Variants in LSMEM2 observed in about 807,000 individuals in gnomAD.
LSMEM2 encodes the protein leucine-rich single-pass membrane protein 2.
In LSMEM2, 20 loss-of-function variants were observed where a neutral mutation model predicts 17.3. The ratio of observed to expected loss-of-function variants is 1.16; its 90% CI spans 0.81 to 1.68. The LOEUF is 1.68. Ranked by LOEUF, LSMEM2 falls within the 40% of genes most tolerant of loss-of-function variation. The pLI is 0.00. For synonymous variants in LSMEM2, 94 were observed against 97.8 expected (o/e 0.96, Z 0.23); for missense variants, 207 against 214.3 (o/e 0.97, Z 0.21).
Position 50,287,957 on chromosome 3 carries a change from C to T in LSMEM2, c.*755C>T, listed in dbSNP as rs587689836. On this transcript the variant is annotated 3_prime_UTR_variant, in exon 4 of 4. Transcript: ENST00000316436. The stretch of plus-strand genomic sequence containing the variant: ...CTGCCCCACAGCCCTGAGGAAGGCA[C>T]ATATTTAGCCTGGCCTGAGACAGGA... 9.3e-6 allele frequency: 5 copies of T among 539,442 alleles called. No individual in the cohort carries two copies. The highest frequency in any genetic ancestry group is 2.2e-5 in the South Asian group (1 of 45,896). The allele number at this position is 539,442 out of a possible 1,614,324, so 33.4% of individuals were successfully genotyped here.
Position 50,279,087 on chromosome 3 carries a change from G to A in LSMEM2, c.-27G>A, listed in dbSNP as rs781953352. The A allele has an allele frequency of 1.4e-5, 22 of 1,613,870 alleles. No individual in the cohort carries two copies. The highest frequency in any genetic ancestry group is 1.8e-5 in the Non-Finnish European group (21 of 1,179,716). On this transcript the variant is annotated 5_prime_UTR_variant, in exon 1 of 4. Coordinates refer to ENST00000316436, the MANE Select transcript of LSMEM2 (RefSeq NM_153215.3). ...TCCCTGGGCTCACAAAGGAGCCACT[G>A]CTGCATTTGTCCAGTCCTGCTACTG...
chr3:50,283,318 C>T (rs970588138), intron 1 of LSMEM2, among the ~76,000 whole-genome samples: 5 of 152,030 alleles, frequency 3.3e-5, no homozygotes, highest in Non-Finnish European at 1.5e-5. Context: ...AAGGTGAAAC[C>T]CCATCTTTAT....
In LSMEM2 at chr3:50,286,460, T is replaced by C. The variant is rs1421973738; in HGVS notation, c.59-11T>C. The C allele has an allele frequency of 5.0e-6, 8 of 1,589,570 alleles. No homozygotes were observed. The highest frequency in any genetic ancestry group is 6.0e-6 in the Non-Finnish European group (7 of 1,169,456). ...CACCACTGGCTAAATCAGCCTGCGC[T>C]GCCCCTGCAGACTCCGTGGCGCCAA... On this transcript the variant is annotated splice_polypyrimidine_tract_variant and intron_variant, in intron 1 of 3. Transcript: ENST00000316436.
In LSMEM2 at chr3:50,279,159, G is replaced by A. The variant is rs145420790; in HGVS notation, c.46G>A (p.Glu16Lys). Residue 16 changes from glutamate to lysine, a missense_variant, in exon 1 of 4, where the codon GAG becomes AAG. Glu to Lys is a moderately conservative substitution (Grantham distance 56). Coordinates refer to ENST00000316436, the MANE Select transcript of LSMEM2 (RefSeq NM_153215.3). ...PDCPLLAMPE[E>K]TQEDSVAPMM... ...CTGCCCACTGCTTGCCATGCCTGAGGAGACCCAAGAAGGTAGGAGAGGGTG... is the reference window on the plus strand; with the variant it reads ...CTGCCCACTGCTTGCCATGCCTGAGAAGACCCAAGAAGGTAGGAGAGGGTG... 6.2e-7 allele frequency: 1 copy of A among 1,614,168 alleles called. No homozygotes were observed. Among genetic ancestry groups the A allele is most frequent in the African/African-American group, 1.3e-5 (1 of 75,050 alleles).
intron 1 of LSMEM2, among the ~76,000 whole-genome samples, chr3:50,285,397 T>C (rs942621253): frequency 1.3e-4 from 20 of 151,660 alleles, no homozygotes; most frequent in Admixed American, 1.3e-3. Flanking sequence ...GCCAGGACTT[T>C]GGAAGGCCGA....
intron 1 of LSMEM2, among the ~76,000 whole-genome samples, chr3:50,283,997 G>A (rs1231711654): frequency 2.0e-5 from 3 of 152,170 alleles, no homozygotes; most frequent in African/African-American, 7.2e-5. Context: ...CTTGAGGTCA[G>A]GAGTTTGAGA....
chr3:50,279,462 G>A (rs1276963746), intron 1 of LSMEM2, among the ~76,000 whole-genome samples: 1 of 152,242 alleles, frequency 6.6e-6, no homozygotes, highest in Non-Finnish European at 1.5e-5. Context: ...GCTGTGCTCA[G>A]GTGGGTGTGG....
intron 1 of LSMEM2, among the ~76,000 whole-genome samples, chr3:50,284,275 A>G (rs1011223015): frequency 2.6e-5 from 4 of 151,986 alleles, no homozygotes; most frequent in Admixed American, 6.6e-5. Context: ...ACCCAATAAA[A>G]TAAGAAAGAC....
chr3:50,283,693 G>T (rs587751950), intron 1 of LSMEM2, among the ~76,000 whole-genome samples: 3 of 151,190 alleles, frequency 2.0e-5, no homozygotes, highest in African/African-American at 7.3e-5. Context: ...TAGCTACTAA[G>T]GAGGGTGAGG....
chr3:50,281,463 A>G (rs1476265019), intron 1 of LSMEM2, among the ~76,000 whole-genome samples: 1 of 141,216 alleles, frequency 7.1e-6, no homozygotes, highest in Non-Finnish European at 1.5e-5. Context: ...CCCAGGTTCA[A>G]GTGATTCTCC....
rs1205591806 is a variant in LSMEM2, at chr3:50,287,794, C to A, written c.*592C>A. The stretch of plus-strand genomic sequence containing the variant: ...CTGTAATAATCCTTAAAAATCAGCA[C>A]ACAAATCCATTCCAGGTAGCTTTGC... On this transcript the variant is annotated 3_prime_UTR_variant, in exon 4 of 4. Coordinates refer to ENST00000316436, the MANE Select transcript of LSMEM2 (RefSeq NM_153215.3). 1.2e-5 allele frequency: 3 copies of A among 240,614 alleles called. No individual in the cohort carries two copies. The highest frequency in any genetic ancestry group is 2.2e-5 in the African/African-American group (1 of 44,662). The allele number at this position is 240,614 out of a possible 1,614,324, so 14.9% of individuals were successfully genotyped here.
Position 50,286,743 on chromosome 3 carries a change from C to T in LSMEM2, c.242C>T (p.Pro81Leu), listed in dbSNP as rs201634612. 54 of 1,614,250 alleles carry T rather than the reference C, an allele frequency of 3.3e-5. No homozygotes were observed. Among genetic ancestry groups the T allele is most frequent in the East Asian group, 2.0e-4 (9 of 44,890 alleles). The change falls in exon 3 of 4, where the codon CCG (proline) becomes CTG (leucine). Residue 81 changes from proline to leucine, a missense_variant. Physicochemically the swap from Pro to Leu is moderately conservative, Grantham distance 98 (BLOSUM62 -3). Coordinates refer to ENST00000316436, the MANE Select transcript of LSMEM2 (RefSeq NM_153215.3). The stretch of plus-strand genomic sequence containing the variant: ...GATGAGCTGCTGGGCGTTTTGCCGC[C>T]GTCACTGTGTGCCCAGGCTGGCTGC... ...PWDELLGVLP[P>L]SLCAQAGCSP...
rs782354040 is a variant in LSMEM2, at chr3:50,286,583, A to AG, written c.172+1dup. 6.2e-7 allele frequency: 1 copy of AG among 1,611,996 alleles called. No individual in the cohort carries two copies. The highest frequency in any genetic ancestry group is 1.3e-5 in the African/African-American group (1 of 75,024). On this transcript the variant is annotated frameshift_variant and splice_region_variant, in exon 2 of 4. Transcript: ENST00000316436. LOFTEE classifies it high-confidence loss of function. ...AGTCCATCAGCGACCTACATAGTGG[A>AG]GGTGAGTGGGGACAGTGGGGTGGAT...
In LSMEM2 at chr3:50,286,585, G is replaced by A. The variant is rs782050317; in HGVS notation, c.172+1G>A. On this transcript the variant is annotated splice_donor_variant, in intron 2 of 3. Transcript: ENST00000316436. LOFTEE classifies it high-confidence loss of function. ...TCCATCAGCGACCTACATAGTGGAG[G>A]TGAGTGGGGACAGTGGGGTGGATGA... The A allele has an allele frequency of 6.2e-7, 1 of 1,612,250 alleles. No homozygotes were observed. The highest frequency in any genetic ancestry group is 1.1e-5 in the South Asian group (1 of 90,784).
In LSMEM2 at chr3:50,286,800, T is replaced by C; in HGVS notation, c.299T>C (p.Leu100Pro). The C allele has an allele frequency of 6.2e-7, 1 of 1,614,176 alleles. No homozygotes were observed. Among genetic ancestry groups the C allele is most frequent in the South Asian group, 1.1e-5 (1 of 91,088 alleles). The change falls in exon 3 of 4, where the codon CTG becomes CCG. Residue 100 changes from leucine to proline, a missense_variant. By Grantham distance (98) the Leu-to-Pro change is moderately conservative. Coordinates refer to ENST00000316436, the MANE Select transcript of LSMEM2 (RefSeq NM_153215.3). Reference sequence around the variant, plus strand: ...GTGTACAGACGAGGAGGGTTCCTGCTGCTGCTCGCGCTGCTGGTGCTCACT... The same window carrying C: ...GTGTACAGACGAGGAGGGTTCCTGCCGCTGCTCGCGCTGCTGGTGCTCACT... ...SPVYRRGGFL[L>P]LLALLVLTCL... is the part of the protein sequence containing the mutation.
At position 50,286,654 on chromosome 3, in the gene LSMEM2, C is replaced by T. The variant is rs1553708531; in HGVS notation, c.173-20C>T. ...GAAAGCAGGTGCACCCACCACCCTC[C>T]CAATGTCCCATCCACCCAGCAGGCA... On this transcript the variant is annotated intron_variant, in intron 2 of 3. Coordinates refer to ENST00000316436, the MANE Select transcript of LSMEM2 (RefSeq NM_153215.3). The T allele has an allele frequency of 6.2e-7, 1 of 1,612,040 alleles. No individual in the cohort carries two copies.
intron 1 of LSMEM2, among the ~76,000 whole-genome samples, chr3:50,284,225 A>G (rs930176988): frequency 4.0e-5 from 6 of 149,298 alleles, no homozygotes; most frequent in African/African-American, 1.5e-4. Flanking sequence ...AAAAAAAAAA[A>G]GCGCCACACA....
chr3:50,282,267 G>A (rs1286063948), intron 1 of LSMEM2, among the ~76,000 whole-genome samples: 2 of 152,156 alleles, frequency 1.3e-5, no homozygotes, highest in Non-Finnish European at 2.9e-5. Flanking sequence ...GGGATTACAG[G>A]CATGAGCCAC....
intron 1 of LSMEM2, among the ~76,000 whole-genome samples, chr3:50,281,086 T>C (rs1575481690): frequency 6.7e-6 from 1 of 150,280 alleles, no homozygotes; most frequent in Non-Finnish European, 1.5e-5. Context: ...GACAGAGTCT[T>C]GCTCTGTCGC....
Sources: allele counts gnomAD v4.1 joint callset (sites outside exome capture counted in the v4.1 genomes callset), GRCh38; gene constraint gnomAD v4.1.1; transcripts MANE v1.5; gene names NCBI Gene and HGNC (gene_info 2026-07-23, HGNC 2026-07-21).